The following ANKRD10 variants were observed in gnomAD, a reference collection of about 807,000 sequenced individuals.
The protein encoded by ANKRD10 is ankyrin repeat domain-containing protein 10.
ANKRD10 carries 14 observed loss-of-function variants against 27.0 expected under a neutral mutation model. The observed-to-expected ratio is 0.52, with a 90% confidence interval of 0.34 to 0.81. The LOEUF (loss-of-function observed/expected upper bound fraction) is 0.81, where lower values mean the gene tolerates loss of function less well. Ranked by LOEUF, ANKRD10 falls within the 40% of genes least tolerant of loss-of-function variation. ANKRD10 has a pLI of 0.01. For missense variants in ANKRD10, 493 were observed against 544.0 expected, an observed-to-expected ratio of 0.91 and a Z score of 0.93; for synonymous variants, 250 against 224.5, an observed-to-expected ratio of 1.11 and a Z score of -1.01.
chr13:110,886,835 C>T (rs1277644808), intron 4 of ANKRD10, among the ~76,000 whole-genome samples: 2 of 152,192 alleles, frequency 1.3e-5, no homozygotes, highest in African/African-American at 4.8e-5. Flanking sequence ...AATATTGATT[C>T]TTAAAGTTAC....
At chr13:110,888,174 G>C (rs1412057718) in intron 4 of ANKRD10, among the ~76,000 whole-genome samples, 1 of 151,376 alleles carries the variant, frequency 6.6e-6, no homozygotes, top group Non-Finnish European at 1.5e-5. Context: ...GAAAGACCGG[G>C]GGGGACTGGG....
rs920971330 is a variant in ANKRD10 at position 110,914,989 on chromosome 13, A to T, written c.-55T>A. Reference sequence around the variant, plus strand: ...TGGCCTAGAGGACGCGTCGGGGAGGACTCGAGAAGCCGCCGCCGCAGCACA... The same window carrying T: ...TGGCCTAGAGGACGCGTCGGGGAGGTCTCGAGAAGCCGCCGCCGCAGCACA... On this transcript the variant is annotated 5_prime_UTR_variant, in exon 1 of 6. Transcript: ENST00000267339. 9 of 1,496,314 alleles carry T rather than the reference A, an allele frequency of 6.0e-6. No individual in the cohort carries two copies. In the African/African-American group the frequency reaches 1.1e-4, roughly 19 times the overall value. The allele number at this position is 1,496,314 out of a possible 1,614,324, so 92.7% of individuals were successfully genotyped here.
Position 110,908,333 on chromosome 13 carries a change from A to G in ANKRD10, c.364-2209T>C, listed in dbSNP as rs188182085. Among the ~76,000 whole-genome samples, 225 of 152,356 alleles carry G rather than the reference A, an allele frequency of 1.5e-3. 1 individual carries two copies. The highest frequency in any genetic ancestry group is 2.3e-3 in the Non-Finnish European group (158 of 68,028). ...ATTACGCACCAAGGCTAGTCAATATAGATTCACTAAAAACAAATCACAGGA... is the reference window on the plus strand; with the variant it reads ...ATTACGCACCAAGGCTAGTCAATATGGATTCACTAAAAACAAATCACAGGA... On this transcript the variant is annotated intron_variant, in intron 2 of 5. Coordinates refer to ENST00000267339, the MANE Select transcript of ANKRD10 (RefSeq NM_017664.4).
intron 4 of ANKRD10, among the ~76,000 whole-genome samples, chr13:110,884,996 G>C (rs146600821): frequency 4.4e-4 from 67 of 152,108 alleles, no homozygotes; most frequent in African/African-American, 1.5e-3. Flanking sequence ...TCTGAAATTA[G>C]TATGGGGGAG....
chr13:110,906,372 G>A (rs2065535831), intron 2 of ANKRD10, among the ~76,000 whole-genome samples: 1 of 152,084 alleles, frequency 6.6e-6, no homozygotes, highest in Non-Finnish European at 1.5e-5. Context: ...CAGCGTGATT[G>A]CTCTCAACAG....
At chr13:110,913,750 A>C (rs1459655088) in intron 1 of ANKRD10, among the ~76,000 whole-genome samples, 3 of 152,142 alleles carry the variant, frequency 2.0e-5, no homozygotes, top group Non-Finnish European at 4.4e-5. Context: ...CCATCTCATC[A>C]CTTACGAGAA....
At chr13:110,892,543 T>G in intron 4 of ANKRD10, 1 of 183,720 alleles carries the variant, frequency 5.4e-6, no homozygotes, top group Non-Finnish European at 1.0e-5. Context: ...ACATGTGAGG[T>G]ACAGAGACCA....
chr13:110,900,954 A>G (rs1594606213), intron 3 of ANKRD10, among the ~76,000 whole-genome samples: 1 of 152,188 alleles, frequency 6.6e-6, no homozygotes, highest in East Asian at 1.9e-4. Flanking sequence ...TTTAGCATGA[A>G]GCCAATTTAA....
intron 3 of ANKRD10, among the ~76,000 whole-genome samples, chr13:110,897,439 C>T (rs888204592): frequency 6.6e-6 from 1 of 151,638 alleles, no homozygotes; most frequent in Non-Finnish European, 1.5e-5. Flanking sequence ...ATCTTTTTTA[C>T]CTTCCACATA....
chr13:110,914,709 A>C lies in ANKRD10; in HGVS notation c.210+16T>G. The C allele has an allele frequency of 6.4e-7, 1 of 1,561,456 alleles. No homozygotes were observed. The highest frequency in any genetic ancestry group is 1.2e-5 in the South Asian group (1 of 84,774). On this transcript the variant is annotated intron_variant, in intron 1 of 5. Transcript: ENST00000267339. Reference sequence around the variant, plus strand: ...GACAGCCGGGGAAAATGGCGCCTTAAAGCGTTCGCACCCACCTTGCCGAAA... The same window carrying C: ...GACAGCCGGGGAAAATGGCGCCTTACAGCGTTCGCACCCACCTTGCCGAAA...
At chr13:110,886,118 G>A (rs1292690574) in intron 4 of ANKRD10, among the ~76,000 whole-genome samples, 3 of 152,232 alleles carry the variant, frequency 2.0e-5, no homozygotes, top group Non-Finnish European at 2.9e-5. Context: ...CTGGCCATGC[G>A]AGGTGCAGGG....
intron 3 of ANKRD10, 145 bp from the exon 4 acceptor site, chr13:110,893,408 T>C: frequency 1.4e-6 from 1 of 727,940 alleles, no homozygotes; most frequent in South Asian, 2.0e-5. Flanking sequence ...AGTTAATCAA[T>C]CTAGCTCTGT....
intron 5 of ANKRD10, among the ~76,000 whole-genome samples, chr13:110,880,852 G>A (rs1333916377): frequency 6.6e-6 from 1 of 152,216 alleles, no homozygotes; most frequent in Non-Finnish European, 1.5e-5. Flanking sequence ...AGGCATGCAG[G>A]CCTGGGCCAA....
intron 4 of ANKRD10, 101 bp from the exon 5 acceptor site, chr13:110,883,894 A>C: frequency 7.5e-7 from 1 of 1,340,222 alleles, no homozygotes; most frequent in East Asian, 2.7e-5. Context: ...TGAACACTTT[A>C]AACAATCACA....
At chr13:110,909,523 C>T (rs1225984580) in intron 2 of ANKRD10, among the ~76,000 whole-genome samples, 1 of 152,186 alleles carries the variant, frequency 6.6e-6, no homozygotes, top group African/African-American at 2.4e-5. Flanking sequence ...GGCAGCACAA[C>T]CTTAAAACTT....
chr13:110,901,371 T>C (rs922856481), intron 3 of ANKRD10, among the ~76,000 whole-genome samples: 2 of 152,208 alleles, frequency 1.3e-5, no homozygotes, highest in Non-Finnish European at 1.5e-5. Context: ...TACACTGCAA[T>C]TGAACCAAAA....
chr13:110,914,925 C>T lies in ANKRD10; in HGVS notation c.10G>A (p.Ala4Thr), dbSNP rs1248430338. 6.5e-7 allele frequency: 1 copy of T among 1,533,796 alleles called. No individual in the cohort carries two copies. The highest frequency in any genetic ancestry group is 1.2e-5 in the South Asian group (1 of 83,570). Residue 4 changes from alanine to threonine, a missense_variant, in exon 1 of 6, where the codon GCG becomes ACG. Ala to Thr is a moderately conservative substitution (Grantham distance 58). Transcript: ENST00000267339. The part of the protein sequence containing the change: MSA[A>T]GAGAGVEAGF... ...GCCTCTACGCCCGCGCCCGCTCCCGCCGCCGACATGGTCCGTCACCGGAGA... is the reference window on the plus strand; with the variant it reads ...GCCTCTACGCCCGCGCCCGCTCCCGTCGCCGACATGGTCCGTCACCGGAGA...
intron 4 of ANKRD10, among the ~76,000 whole-genome samples, chr13:110,890,930 G>A (rs72665842): frequency 0.31 from 47,057 of 152,012 alleles, 7,665 homozygotes; most frequent in African/African-American, 0.4. Context: ...TGTAGTTAAC[G>A]AGGATTAGGA....
At chr13:110,903,640 A>G (rs2065447020) in intron 3 of ANKRD10, 1 of 152,906 alleles carries the variant, frequency 6.5e-6, no homozygotes, top group African/African-American at 2.4e-5. Flanking sequence ...AAGCACAACA[A>G]TTTAAGACTT....
Sources: allele counts gnomAD v4.1 joint callset (sites outside exome capture counted in the v4.1 genomes callset), GRCh38; gene constraint gnomAD v4.1.1; transcripts MANE v1.5; gene names NCBI Gene and HGNC (gene_info 2026-07-23, HGNC 2026-07-21).